MCCC2: variants seen among roughly 807,000 people sequenced by gnomAD.
MCCC2 encodes the protein methylcrotonyl-CoA carboxylase subunit 2.
Under a neutral mutation model 77.2 loss-of-function variants are expected in MCCC2, and 52 were observed. That is an observed-to-expected ratio of 0.67 (90% confidence interval 0.54 to 0.85). The LOEUF (loss-of-function observed/expected upper bound fraction) is 0.85, where lower values mean the gene tolerates loss of function less well. Ranked by LOEUF, MCCC2 falls within the 40% of genes least tolerant of loss-of-function variation. MCCC2 has a pLI of 0.00. For synonymous variants in MCCC2, 253 were observed against 248.4 expected (o/e 1.02, Z -0.18); for missense variants, 682 against 703.2 (o/e 0.97, Z 0.34).
chr5:71,638,135 A>G (rs1746994140), intron 10 of MCCC2, among the ~76,000 whole-genome samples: 1 of 152,258 alleles, frequency 6.6e-6, no homozygotes, highest in Admixed American at 6.5e-5. Context: ...CTTCACCAGG[A>G]GTACATTCTA....
At chr5:71,628,514 G>A (rs745887929) in intron 7 of MCCC2, among the ~76,000 whole-genome samples, 13 of 152,122 alleles carry the variant, frequency 8.5e-5, no homozygotes, top group Non-Finnish European at 1.8e-4. Context: ...TATAATTTTA[G>A]CTCTTGCATT....
rs779178573 is a variant in MCCC2 at position 71,596,351 on chromosome 5, C to T, written c.268C>T (p.Leu90Phe). 1 of 1,614,062 alleles carries T rather than the reference C, an allele frequency of 6.2e-7. No homozygotes were observed. The highest frequency in any genetic ancestry group is 8.5e-7 in the Non-Finnish European group (1 of 1,179,970). The change falls in exon 3 of 17, where the codon CTC (leucine) becomes TTC (phenylalanine). Residue 90 changes from leucine to phenylalanine, a missense_variant. Leu to Phe is a conservative substitution (Grantham distance 22). Coordinates refer to ENST00000340941, the MANE Select transcript of MCCC2 (RefSeq NM_022132.5). ...ATTGCCCAGAGAAAGAATTGACAAT[C>T]TCATAGACCCAGGGTGCGTACATAG... ...KLLPRERIDNLIDPGSPFLEL... is the reference protein window; with the variant it reads ...KLLPRERIDNFIDPGSPFLEL...
chr5:71,616,027 G>A (rs1746145221), intron 6 of MCCC2, among the ~76,000 whole-genome samples: 1 of 152,168 alleles, frequency 6.6e-6, no homozygotes, highest in Non-Finnish European at 1.5e-5. Flanking sequence ...CCTCTGTGAT[G>A]AAGCCTCCAT....
intron 8 of MCCC2, among the ~76,000 whole-genome samples, chr5:71,632,561 G>A (rs1327222588): frequency 6.6e-6 from 1 of 152,154 alleles, no homozygotes; most frequent in African/African-American, 2.4e-5. Flanking sequence ...ATGTAAATGT[G>A]GCTGATACGC....
chr5:71,643,349 T>C (rs922067282), intron 11 of MCCC2, among the ~76,000 whole-genome samples: 2 of 152,218 alleles, frequency 1.3e-5, no homozygotes, highest in South Asian at 4.1e-4. Flanking sequence ...ACTGTGCTAC[T>C]GTGTTCCAGC....
chr5:71,649,961 ATG>A, intron 14 of MCCC2, 106 bp from the exon 15 acceptor site: 1 of 809,850 alleles, frequency 1.2e-6, no homozygotes, highest in Middle Eastern at 3.3e-4. Context: ...GATGATTGTA[ATG>A]TGCAGCCAGA....
chr5:71,587,808 T>C (rs979730835), intron 1 of MCCC2, among the ~76,000 whole-genome samples: 10 of 152,196 alleles, frequency 6.6e-5, no homozygotes, highest in Admixed American at 5.9e-4. Context: ...GGGAGCTAGC[T>C]GAATAGCTGC....
intron 3 of MCCC2, among the ~76,000 whole-genome samples, chr5:71,596,987 A>G (rs1284879725): frequency 6.6e-6 from 1 of 152,114 alleles, no homozygotes; most frequent in Non-Finnish European, 1.5e-5. Context: ...TAAGTGACAA[A>G]TGTCATGAGA....
Position 71,604,411 on chromosome 5 carries a change from C to T in MCCC2, c.567C>T (p.Asp189=), listed in dbSNP as rs575600077. ...AAGCAGATGTGTTTCCAGATCGAGA[C>T]CACTTTGGCCGTACATTCTATAATC... is the stretch of plus-strand genomic sequence containing the variant. ...PRQADVFPDR[D]HFGRTFYNQA... is the part of the protein sequence containing the mutation. The change falls in exon 6 of 17, where the codon GAC becomes GAT. Residue 189 remains aspartate, a synonymous_variant. Transcript: ENST00000340941. 7 of 1,614,084 alleles carry T rather than the reference C, an allele frequency of 4.3e-6. No individual in the cohort carries two copies. In the African/African-American group the frequency reaches 9.3e-5, roughly 22 times the overall value.
At position 71,596,380 on chromosome 5, in the gene MCCC2, A is replaced by G. The variant is rs747152453; in HGVS notation, c.281+16A>G. On this transcript the variant is annotated intron_variant, in intron 3 of 16. Transcript: ENST00000340941. ...TAGACCCAGGGTGCGTACATAGCCAAGTACTGACTCAGAGTGTTCTCTGTT... is the reference window on the plus strand; with the variant it reads ...TAGACCCAGGGTGCGTACATAGCCAGGTACTGACTCAGAGTGTTCTCTGTT... 1.2e-6 allele frequency: 2 copies of G among 1,600,154 alleles called. No homozygotes were observed.
At chr5:71,592,330 G>A (rs960413457) in intron 1 of MCCC2, among the ~76,000 whole-genome samples, 12 of 152,100 alleles carry the variant, frequency 7.9e-5, no homozygotes, top group Admixed American at 5.9e-4. Flanking sequence ...GCAGTGAGCC[G>A]AGATTGCACC....
intron 6 of MCCC2, among the ~76,000 whole-genome samples, chr5:71,619,176 T>C (rs1319966380): frequency 1.3e-5 from 2 of 152,190 alleles, no homozygotes; most frequent in African/African-American, 4.8e-5. Flanking sequence ...TTTTGAAATG[T>C]ATCTTGTTGG....
chr5:71,609,872 G>C (rs1745848816), intron 6 of MCCC2, among the ~76,000 whole-genome samples: 1 of 152,030 alleles, frequency 6.6e-6, no homozygotes, highest in African/African-American at 2.4e-5. Context: ...CTCCCAGTTA[G>C]GCTGCTCGGG....
At chr5:71,640,966 T>C in intron 10 of MCCC2, 37 bp from the exon 11 acceptor site, 1 of 1,569,968 alleles carries the variant, frequency 6.4e-7, no homozygotes, top group Non-Finnish European at 8.8e-7. Flanking sequence ...TCTTTTGCAA[T>C]ATAATTTCTC....
Position 71,587,496 on chromosome 5 carries a change from A to AC in MCCC2, c.72dup (p.Gly25ArgfsTer34). 1 of 1,537,702 alleles carries AC rather than the reference A, an allele frequency of 6.5e-7. No individual in the cohort carries two copies. Among genetic ancestry groups the AC allele is most frequent in the Non-Finnish European group, 8.7e-7 (1 of 1,146,464 alleles). On this transcript the variant is annotated frameshift_variant, in exon 1 of 17. Transcript: ENST00000340941. LOFTEE classifies it high-confidence loss of function. ...TCTCCCGCCGGGCCGCGCGCCTATC[A>AC]CGGGGACTCGGTGGCCTCGCTGGGC...
chr5:71,629,717 A>C (rs533396684), intron 7 of MCCC2, among the ~76,000 whole-genome samples: 311 of 150,404 alleles, frequency 2.1e-3, no homozygotes, highest in African/African-American at 6.4e-3. Flanking sequence ...TTAAGGCATT[A>C]TTTTAAAAGC....
intron 2 of MCCC2, 97 bp downstream of exon 2, chr5:71,593,089 A>ATATTT: frequency 2.5e-6 from 2 of 799,488 alleles, no homozygotes; most frequent in Non-Finnish European, 3.8e-6. Context: ...AGCTTTTGAT[A>ATATTT]TTTTTTTTTT....
intron 6 of MCCC2, among the ~76,000 whole-genome samples, chr5:71,606,055 T>C (rs1256275663): frequency 6.6e-6 from 1 of 152,156 alleles, no homozygotes; most frequent in African/African-American, 2.4e-5. Context: ...CTTGGCGATG[T>C]GGGCTCTTTT....
intron 10 of MCCC2, chr5:71,635,565 C>A: frequency 2.6e-6 from 1 of 381,722 alleles, no homozygotes; most frequent in South Asian, 2.2e-5. Context: ...CAATTGTCAG[C>A]TATTTCTTTT....
Sources: gnomAD v4.1 joint callset for allele counts (sites outside exome capture counted in the v4.1 genomes callset) on GRCh38, gnomAD v4.1.1 for gene constraint, MANE v1.5 for transcripts, NCBI Gene and HGNC (gene_info 2026-07-23, HGNC 2026-07-21) for gene names.